Variants in CNBD1 observed in about 807,000 individuals in gnomAD.
CNBD1 encodes the protein cyclic nucleotide binding domain containing 1.
A neutral mutation model predicts 54.4 loss-of-function variants in CNBD1; 71 were observed. The observed-to-expected ratio is 1.30, with a 90% CI of 1.08 to 1.59. The LOEUF (loss-of-function observed/expected upper bound fraction) is 1.59, where lower values mean the gene tolerates loss of function less well. Ranked by LOEUF, CNBD1 falls within the 40% of genes most tolerant of loss-of-function variation. The pLI, the probability that CNBD1 is intolerant of heterozygous loss-of-function variation, is 0.00. For missense variants in CNBD1, 659 were observed against 518.0 expected (o/e 1.27, Z -2.64); for synonymous variants, 182 against 170.7 (o/e 1.07, Z -0.51).
rs1410282698 is a variant in CNBD1 at position 87,379,279 on chromosome 8, A to G, written c.1304-3341A>G. On this transcript the variant is annotated intron_variant, in intron 10 of 10. Coordinates refer to ENST00000518476, the MANE Select transcript of CNBD1 (RefSeq NM_173538.3). Reference sequence around the variant, plus strand: ...AGACTTAGACTCCCACACATTAATAATGGGAGACTTTAACACCCCACTGTC... The same window carrying G: ...AGACTTAGACTCCCACACATTAATAGTGGGAGACTTTAACACCCCACTGTC... Among the ~76,000 whole-genome samples, 7 of 152,116 alleles carry G rather than the reference A, an allele frequency of 4.6e-5. No individual in the cohort carries two copies. In the South Asian group the frequency reaches 1.0e-3, roughly 22 times the overall value.
chr8:87,359,768 G>A (rs999964905), intron 10 of CNBD1, among the ~76,000 whole-genome samples: 1 of 152,008 alleles, frequency 6.6e-6, no homozygotes, highest in African/African-American at 2.4e-5. Context: ...GGAAAACTCA[G>A]CGTGAGCAAA....
chr8:86,866,914 T>A (rs1251008600), intron 1 of CNBD1, among the ~76,000 whole-genome samples: 1 of 152,222 alleles, frequency 6.6e-6, no homozygotes, highest in Non-Finnish European at 1.5e-5. Context: ...GGTTCCTTTT[T>A]CTAGCAGATC....
At chr8:87,005,890 G>A (rs954972779) in intron 4 of CNBD1, among the ~76,000 whole-genome samples, 2 of 152,058 alleles carry the variant, frequency 1.3e-5, no homozygotes, top group Non-Finnish European at 2.9e-5. Context: ...TAATTCAAAG[G>A]GATCACTCCC....
intron 2 of CNBD1, among the ~76,000 whole-genome samples, chr8:87,420,774 CT>C (rs1167576631): frequency 0.017 from 2,349 of 141,538 alleles, 47 homozygotes; most frequent in African/African-American, 0.047. Context: ...TGATTTTCTT[CT>C]TTTTTTTTTT....
intron 2 of CNBD1, among the ~76,000 whole-genome samples, chr8:87,415,161 G>A (rs1222259043): frequency 9.2e-5 from 14 of 152,170 alleles, no homozygotes; most frequent in Admixed American, 7.9e-4. Flanking sequence ...TTCTGCACCT[G>A]CTTTAGTGTA....
At chr8:87,136,590 A>C (rs1812233439) in intron 4 of CNBD1, among the ~76,000 whole-genome samples, 1 of 70,378 alleles carries the variant, frequency 1.4e-5, no homozygotes, top group South Asian at 3.9e-4. Context: ...TATATAAATT[A>C]TATATTATAT....
chr8:87,275,246 T>G (rs928500371), intron 6 of CNBD1, among the ~76,000 whole-genome samples: 5 of 138,800 alleles, frequency 3.6e-5, no homozygotes, highest in African/African-American at 1.4e-4. Flanking sequence ...AGGATTCACT[T>G]GGTGATGCGG....
chr8:86,891,964 T>G (rs1364296198), intron 2 of CNBD1, among the ~76,000 whole-genome samples: 1 of 151,918 alleles, frequency 6.6e-6, no homozygotes, highest in African/African-American at 2.4e-5. Flanking sequence ...TTTGGTGGAG[T>G]CTCTAGGCTT....
chr8:87,254,117 A>C lies in CNBD1; in HGVS notation c.771+17005A>C, dbSNP rs559919942. On this transcript the variant is annotated intron_variant, in intron 6 of 10. Coordinates refer to ENST00000518476, the MANE Select transcript of CNBD1 (RefSeq NM_173538.3). ...GTCAGAAATGGAGAACAGTTTAGGA[A>C]TATTCCAAATAGTAGTGACACCATG... 1.5e-4 allele frequency among the ~76,000 whole-genome samples: 23 copies of C among 152,328 alleles called. No homozygotes were observed. The South Asian group carries it at 4.6e-3, about 30-fold the overall frequency.
At chr8:87,384,911 A>G (rs1209417609), downstream of CNBD1, among the ~76,000 whole-genome samples, 2 of 152,210 alleles carry the variant, frequency 1.3e-5, no homozygotes, top group African/African-American at 2.4e-5. Context: ...AAAAGATGGA[A>G]TCAGAGTAAT....
rs35262193 is a variant in CNBD1, at chr8:87,307,748, T to TTATATATATATATATATATA, written c.1042+21095_1042+21096insTATATATATATATATATATA. Among the ~76,000 whole-genome samples, 34 of 138,034 alleles carry TTATATATATATATATATATA rather than the reference T, an allele frequency of 2.5e-4. 3 individuals carry two copies. The highest frequency in any genetic ancestry group is 8.9e-4 in the African/African-American group (31 of 34,898). The allele number at this position is 138,034 out of a possible 152,430, so 90.6% of individuals were successfully genotyped here. The stretch of plus-strand genomic sequence containing the variant: ...GTGAAACTCCGTCTCAAAAAAAAAA[T>TTATATATATATATATATATA]TATATATATATATATATAACTTAGC... On this transcript the variant is annotated intron_variant, in intron 8 of 10. Coordinates refer to ENST00000518476, the MANE Select transcript of CNBD1 (RefSeq NM_173538.3).
Position 87,029,183 on chromosome 8 carries a change from A to G in CNBD1, c.431+89429A>G, listed in dbSNP as rs539836842. On this transcript the variant is annotated intron_variant, in intron 4 of 10. Transcript: ENST00000518476. ...AATGTGTTTCTACTCCAATTCCTCA[A>G]TCTCCCTCATTTTTACTCTCCATTT... Among the ~76,000 whole-genome samples, 4 of 152,242 alleles carry G rather than the reference A, an allele frequency of 2.6e-5. No homozygotes were observed. In the South Asian group the frequency reaches 6.2e-4, roughly 24 times the overall value.
intron 2 of CNBD1, among the ~76,000 whole-genome samples, chr8:86,895,138 TGG>T (rs1208905481): frequency 6.6e-6 from 1 of 152,180 alleles, no homozygotes; most frequent in African/African-American, 2.4e-5. Flanking sequence ...TACAACACTG[TGG>T]CACTGGGGAT....
intron 4 of CNBD1, among the ~76,000 whole-genome samples, chr8:87,023,023 A>T (rs1286931755): frequency 6.6e-6 from 1 of 152,278 alleles, no homozygotes; most frequent in South Asian, 2.1e-4. Flanking sequence ...TATTATCATC[A>T]TTATATAAAA....
intron 4 of CNBD1, among the ~76,000 whole-genome samples, chr8:87,084,995 C>T (rs1207238060): frequency 1.3e-5 from 2 of 152,156 alleles, no homozygotes; most frequent in African/African-American, 2.4e-5. Context: ...TCTTTTTAAA[C>T]AATACTTATG....
chr8:87,198,819 T>A (rs11990251), intron 4 of CNBD1, among the ~76,000 whole-genome samples: 1 of 152,180 alleles, frequency 6.6e-6, no homozygotes. Context: ...TGCATTGCCA[T>A]AAATAAATAC....
intron 10 of CNBD1, among the ~76,000 whole-genome samples, chr8:87,367,521 T>TTC (rs1810665445): frequency 6.6e-6 from 1 of 152,038 alleles, no homozygotes; most frequent in South Asian, 2.1e-4. Context: ...TGCTTTCTGC[T>TTC]TCTCCACATC....
rs767504673 is a variant in CNBD1 at position 87,346,063 on chromosome 8, C to A, written c.1043-5622C>A. On this transcript the variant is annotated intron_variant, in intron 8 of 10. Coordinates refer to ENST00000518476, the MANE Select transcript of CNBD1 (RefSeq NM_173538.3). ...TTTTTTCTTTTTTTTGTGGGGGGGACAGAGTTTCACTCTTGTTGCCCAGGC... is the reference window on the plus strand; with the variant it reads ...TTTTTTCTTTTTTTTGTGGGGGGGAAAGAGTTTCACTCTTGTTGCCCAGGC... Among the ~76,000 whole-genome samples, 3 of 150,898 alleles carry A rather than the reference C, an allele frequency of 2.0e-5. No homozygotes were observed. The South Asian group carries it at 6.2e-4, about 31-fold the overall frequency.
chr8:87,295,977 C>T lies in CNBD1; in HGVS notation c.1042+9306C>T, dbSNP rs148306488. 5.1e-4 allele frequency among the ~76,000 whole-genome samples: 77 copies of T among 152,110 alleles called. 1 individual carries two copies. The East Asian group carries it at 5.6e-3, about 11-fold the overall frequency. On this transcript the variant is annotated intron_variant, in intron 8 of 10. Coordinates refer to ENST00000518476, the MANE Select transcript of CNBD1 (RefSeq NM_173538.3). ...TTTAAAAATGCGAACTCTTATGTTT[C>T]GCTATGAATATTATTTATAACCAAA...
Sources: allele counts gnomAD v4.1 joint callset (sites outside exome capture counted in the v4.1 genomes callset), GRCh38; gene constraint gnomAD v4.1.1; transcripts MANE v1.5; gene names NCBI Gene and HGNC (gene_info 2026-07-23, HGNC 2026-07-21).